The following CCDC3 variants were observed in gnomAD, a reference collection of about 807,000 sequenced individuals.
CCDC3 encodes coiled-coil domain-containing protein 3.
A neutral mutation model predicts 21.4 loss-of-function variants in CCDC3; 24 were observed. That is an observed-to-expected ratio of 1.12 (90% CI 0.81 to 1.58). The LOEUF is 1.58. Among genes scored for constraint, CCDC3 ranks in the 40% most tolerant of loss-of-function variants. The pLI is 0.00. For missense variants in CCDC3, 425 were observed against 360.9 expected (o/e 1.18, Z -1.44); for synonymous variants, 186 against 166.0 (o/e 1.12, Z -0.93).
chr10:12,904,945 T>C (rs113735290), intron 2 of CCDC3, among the ~76,000 whole-genome samples: 9 of 152,224 alleles, frequency 5.9e-5, no homozygotes, highest in African/African-American at 2.2e-4. Flanking sequence ...AGACAGTATG[T>C]TTTTTTAAAA....
intron 3 of CCDC3, among the ~76,000 whole-genome samples, chr10:13,098,302 GTGT>G (rs1832656616): frequency 6.6e-6 from 1 of 152,144 alleles, no homozygotes; most frequent in South Asian, 2.1e-4. Context: ...CACTTTCATA[GTGT>G]TGTTTTGTTC....
intron 4 of CCDC3, chr10:13,058,217 G>A: frequency 7.8e-7 from 1 of 1,285,258 alleles, no homozygotes; most frequent in African/African-American, 1.5e-5. Context: ...ATTGCCAGCG[G>A]TAGTTCTGGC....
At chr10:13,044,807 T>C (rs1836502406) in intron 5 of CCDC3, among the ~76,000 whole-genome samples, 1 of 152,236 alleles carries the variant, frequency 6.6e-6, no homozygotes, top group African/African-American at 2.4e-5. Flanking sequence ...AGTAGCTTTT[T>C]TTTCTAATTT....
At chr10:12,957,618 C>CG (rs1835111062) in intron 2 of CCDC3, among the ~76,000 whole-genome samples, 1 of 152,116 alleles carries the variant, frequency 6.6e-6, no homozygotes, top group African/African-American at 2.4e-5. Context: ...CCCTTGGTGC[C>CG]GTCCTCACGA....
intron 4 of CCDC3, among the ~76,000 whole-genome samples, chr10:13,052,578 G>A (rs1032018243): frequency 2.0e-5 from 3 of 152,104 alleles, no homozygotes; most frequent in African/African-American, 4.8e-5. Context: ...TATCGCTAAC[G>A]ATACTGTCTT....
chr10:13,074,565 T>A (rs1449665487), intron 3 of CCDC3, among the ~76,000 whole-genome samples: 1 of 151,326 alleles, frequency 6.6e-6, no homozygotes, highest in Non-Finnish European at 1.5e-5. Flanking sequence ...GAACTAACTC[T>A]CCCTCCCCCT....
chr10:12,937,003 G>A (rs1375994248), intron 2 of CCDC3, among the ~76,000 whole-genome samples: 10 of 152,158 alleles, frequency 6.6e-5, no homozygotes, highest in Non-Finnish European at 1.5e-5. Flanking sequence ...GCAGCACAAG[G>A]GGACCTGTAT....
chr10:13,079,163 C>A (rs998068923), intron 3 of CCDC3, among the ~76,000 whole-genome samples: 2 of 152,212 alleles, frequency 1.3e-5, no homozygotes, highest in Non-Finnish European at 2.9e-5. Context: ...TACCAAGGAA[C>A]AAGCATTCTG....
At chr10:12,998,200 G>A (rs1162387015) in intron 2 of CCDC3, 138 bp downstream of exon 2, 2 of 808,024 alleles carry the variant, frequency 2.5e-6, no homozygotes, top group African/African-American at 3.5e-5. Flanking sequence ...GGGATAGCAG[G>A]AGAGAGAGAG....
intron 2 of CCDC3, among the ~76,000 whole-genome samples, chr10:12,972,900 A>T (rs902741469): frequency 6.6e-6 from 1 of 152,244 alleles, no homozygotes; most frequent in African/African-American, 2.4e-5. Flanking sequence ...GCAGTGATGT[A>T]GTAGAAAGAA....
chr10:12,989,637 G>T (rs1157751262), intron 2 of CCDC3, among the ~76,000 whole-genome samples: 2 of 151,992 alleles, frequency 1.3e-5, no homozygotes, highest in Non-Finnish European at 2.9e-5. Flanking sequence ...GGCCAGGCTG[G>T]TCTCTAACTC....
intron 2 of CCDC3, among the ~76,000 whole-genome samples, chr10:12,902,841 AAAGG>A (rs1834114794): frequency 2.0e-5 from 3 of 152,164 alleles, no homozygotes; most frequent in Admixed American, 2.0e-4. Context: ...AGCCCAGACA[AAAGG>A]AAGACCTTGA....
At chr10:12,980,422 C>T (rs182443057) in intron 2 of CCDC3, among the ~76,000 whole-genome samples, 9 of 152,250 alleles carry the variant, frequency 5.9e-5, no homozygotes, top group Admixed American at 5.9e-4. Context: ...AGCCATCAGT[C>T]CCCAGAAATG....
At position 12,939,381 on chromosome 10, in the gene CCDC3, G is replaced by A. The variant is rs534901345; in HGVS notation, c.550-40702C>T. Among the ~76,000 whole-genome samples the A allele has an allele frequency of 7.9e-5, 12 of 152,170 alleles. No individual in the cohort carries two copies. The East Asian group carries it at 1.4e-3, about 17-fold the overall frequency. ...TGCAGTGGCTCACGCCTGTAGTCCC[G>A]GCACTTTGGGAAGCCAAGGCAGGCA... On this transcript the variant is annotated intron_variant, in intron 2 of 2. Coordinates refer to ENST00000378825, the MANE Select transcript of CCDC3 (RefSeq NM_031455.4).
intron 5 of CCDC3, among the ~76,000 whole-genome samples, chr10:13,026,292 C>T (rs1415858904): frequency 6.6e-6 from 1 of 152,192 alleles, no homozygotes; most frequent in Admixed American, 6.5e-5. Flanking sequence ...TTAGGTGTGG[C>T]CTGAAATTAT....
At chr10:13,087,039 G>A (rs1454264479) in intron 3 of CCDC3, among the ~76,000 whole-genome samples, 1 of 152,204 alleles carries the variant, frequency 6.6e-6, no homozygotes, top group Non-Finnish European at 1.5e-5. Flanking sequence ...CCTAAAGCCT[G>A]TTGGCAAAGG....
At chr10:13,020,988 G>C (rs1014593178) in intron 5 of CCDC3, among the ~76,000 whole-genome samples, 17 of 152,314 alleles carry the variant, frequency 1.1e-4, no homozygotes, top group African/African-American at 1.9e-4. Flanking sequence ...ATGAATGAAT[G>C]AATCAATATG....
chr10:12,993,857 A>G (rs1341877158), intron 2 of CCDC3, among the ~76,000 whole-genome samples: 1 of 152,212 alleles, frequency 6.6e-6, no homozygotes, highest in Non-Finnish European at 1.5e-5. Context: ...GAAAGGAACC[A>G]GAGTGTGGGA....
At chr10:13,035,861 C>T (rs1227631000) in intron 5 of CCDC3, among the ~76,000 whole-genome samples, 1 of 152,058 alleles carries the variant, frequency 6.6e-6, no homozygotes, top group Non-Finnish European at 1.5e-5. Context: ...CAAGTGGCTG[C>T]CCGGCCAGGC....
Sources: gnomAD v4.1 joint callset for allele counts (sites outside exome capture counted in the v4.1 genomes callset) on GRCh38, gnomAD v4.1.1 for gene constraint, MANE v1.5 for transcripts, NCBI Gene and HGNC (gene_info 2026-07-23, HGNC 2026-07-21) for gene names.